Variants in ILDR1 observed in about 807,000 individuals in gnomAD.
ILDR1 encodes immunoglobulin-like domain-containing receptor 1.
Under a neutral mutation model 62.4 loss-of-function variants are expected in ILDR1, and 56 were observed. The ratio of observed to expected loss-of-function variants is 0.90; its 90% CI spans 0.72 to 1.12. The LOEUF is 1.12. Among genes scored for constraint, ILDR1 ranks in the 50% most tolerant of loss-of-function variants. The pLI is 0.00. For synonymous variants in ILDR1, 284 were observed against 277.8 expected (o/e 1.02, Z -0.22); for missense variants, 736 against 710.6 (o/e 1.04, Z -0.41).
At chr3:122,030,235 A>G in the ILDR1 span, among the ~76,000 whole-genome samples, 3 of 152,224 alleles carry the variant, frequency 2.0e-5, no homozygotes, top group Non-Finnish European at 4.4e-5. Context: ...CTGCATTCCT[A>G]GGACTAGAGC....
intron 1 of ILDR1, 37 bp downstream of exon 1, chr3:122,021,983 T>C (rs2107683290): frequency 1.9e-6 from 3 of 1,587,918 alleles, no homozygotes; most frequent in Non-Finnish European, 2.6e-6. Context: ...TCCTGTCTCC[T>C]TGGGTCCAGG....
At chr3:122,000,268 A>T (rs1424248518) in intron 5 of ILDR1, among the ~76,000 whole-genome samples, 1 of 150,650 alleles carries the variant, frequency 6.6e-6, no homozygotes, top group Non-Finnish European at 1.5e-5. Context: ...AAAAAAAAAA[A>T]GAAAAAACAG....
At chr3:122,030,955 A>G in the ILDR1 span, among the ~76,000 whole-genome samples, 1 of 152,322 alleles carries the variant, frequency 6.6e-6, no homozygotes, top group East Asian at 1.9e-4. Flanking sequence ...TCCCCAGGGC[A>G]GCCCCTAAAT....
intron 5 of ILDR1, among the ~76,000 whole-genome samples, chr3:121,996,773 A>G (rs1297229548): frequency 6.6e-6 from 1 of 152,218 alleles, no homozygotes; most frequent in Admixed American, 6.5e-5. Context: ...TCCCTGTTCC[A>G]ATAATGTAGG....
the ILDR1 span, among the ~76,000 whole-genome samples, chr3:122,027,682 T>C: frequency 6.6e-6 from 1 of 152,172 alleles, no homozygotes; most frequent in Non-Finnish European, 1.5e-5. Context: ...AGGTAGTAAA[T>C]AGACAAGACA....
In ILDR1 at chr3:121,987,869, T is replaced by C; in HGVS notation, c.*498A>G. 2 of 265,294 alleles carry C rather than the reference T, an allele frequency of 7.5e-6. No homozygotes were observed. The highest frequency in any genetic ancestry group is 1.5e-5 in the Non-Finnish European group (2 of 135,992). 16.4% of individuals were successfully genotyped at this position (265,294 alleles called of 1,614,324 possible). ...GCATGAACCAAGGCTAAAACTACAGTTGGTAATTCCTCGAACTCTAACTTT... is the reference window on the plus strand; with the variant it reads ...GCATGAACCAAGGCTAAAACTACAGCTGGTAATTCCTCGAACTCTAACTTT... On this transcript the variant is annotated 3_prime_UTR_variant, in exon 8 of 8. Coordinates refer to ENST00000344209, the MANE Select transcript of ILDR1 (RefSeq NM_001199799.2).
At chr3:121,997,092 G>A (rs969496906) in intron 5 of ILDR1, among the ~76,000 whole-genome samples, 1 of 152,074 alleles carries the variant, frequency 6.6e-6, no homozygotes, top group Non-Finnish European at 1.5e-5. Context: ...GTAGAGATAG[G>A]GTTTCACCAT....
upstream of ILDR1, among the ~76,000 whole-genome samples, chr3:122,022,956 A>T (rs1175639999): frequency 3.7e-5 from 5 of 133,732 alleles, no homozygotes; most frequent in Non-Finnish European, 6.6e-5. Context: ...TAAATAAATA[A>T]ATATTTGTTT....
At chr3:122,033,803 T>G in the ILDR1 span, among the ~76,000 whole-genome samples, 1 of 152,182 alleles carries the variant, frequency 6.6e-6, no homozygotes, top group East Asian at 1.9e-4. Flanking sequence ...ACCATACATG[T>G]GTAAATCTGA....
the ILDR1 span, among the ~76,000 whole-genome samples, chr3:122,060,661 C>G: frequency 3.9e-5 from 6 of 152,048 alleles, no homozygotes; most frequent in South Asian, 1.0e-3. Context: ...AAAGGCTAAC[C>G]AAAAATAAAA....
chr3:121,992,457 A>T (rs568308551), intron 7 of ILDR1, among the ~76,000 whole-genome samples: 1 of 152,278 alleles, frequency 6.6e-6, no homozygotes, highest in East Asian at 1.9e-4. Context: ...TTTTAAAGTC[A>T]CTTCTTTAAA....
At chr3:122,010,605 G>GT (rs1001960669) in intron 1 of ILDR1, among the ~76,000 whole-genome samples, 43 of 152,172 alleles carry the variant, frequency 2.8e-4, no homozygotes, top group African/African-American at 8.9e-4. Context: ...CCCTTTGTGT[G>GT]TTTTTTGTTT....
At position 121,993,150 on chromosome 3, in the gene ILDR1, C is replaced by A; in HGVS notation, c.1599G>T (p.Ser533=). 6.3e-7 allele frequency: 1 copy of A among 1,581,598 alleles called. No individual in the cohort carries two copies. Among genetic ancestry groups the A allele is most frequent in the East Asian group, 2.3e-5 (1 of 43,164 alleles). Reference sequence around the variant, plus strand: ...CCTCAGCAGGATGCCCCAGGCTCACCGAGCGCCTCTCCACACTCCCTTTTT... The same window carrying A: ...CCTCAGCAGGATGCCCCAGGCTCACAGAGCGCCTCTCCACACTCCCTTTTT... ...SRKKGSVERR[S]EKDSSHSGRS... Residue 533 remains serine, a splice_region_variant and synonymous_variant, in exon 7 of 8, where the codon TCG becomes TCT. Coordinates refer to ENST00000344209, the MANE Select transcript of ILDR1 (RefSeq NM_001199799.2).
At chr3:122,003,367 C>T (rs2071557258) in intron 3 of ILDR1, among the ~76,000 whole-genome samples, 1 of 152,184 alleles carries the variant, frequency 6.6e-6, no homozygotes, top group Admixed American at 6.5e-5. Flanking sequence ...TTCCTACCCG[C>T]TATTTTCCAA....
chr3:122,016,423 A>G (rs1463157699), intron 1 of ILDR1, among the ~76,000 whole-genome samples: 1 of 152,242 alleles, frequency 6.6e-6, no homozygotes, highest in East Asian at 1.9e-4. Context: ...CACATTAAAC[A>G]TTTGCTAAAC....
At chr3:122,041,026 C>A in the ILDR1 span, among the ~76,000 whole-genome samples, 1 of 152,252 alleles carries the variant, frequency 6.6e-6, no homozygotes, top group Middle Eastern at 3.4e-3. Context: ...TTTTAAAAAA[C>A]TGTTATCCGA....
chr3:122,046,651 C>A, the ILDR1 span, among the ~76,000 whole-genome samples: 1 of 150,848 alleles, frequency 6.6e-6, no homozygotes, highest in African/African-American at 2.5e-5. Context: ...CTTTCCTTCT[C>A]GCTTCATTTC....
chr3:122,032,242 GT>G, the ILDR1 span, among the ~76,000 whole-genome samples: 1 of 152,128 alleles, frequency 6.6e-6, no homozygotes, highest in Non-Finnish European at 1.5e-5. Flanking sequence ...CATTCTGGGG[GT>G]TTATCTCTTT....
chr3:121,998,671 G>A (rs1208664506), intron 5 of ILDR1, among the ~76,000 whole-genome samples: 1 of 152,118 alleles, frequency 6.6e-6, no homozygotes, highest in African/African-American at 2.4e-5. Context: ...AGTCTAAGCA[G>A]GCATCTTGGG....
Sources: gnomAD v4.1 joint callset for allele counts (sites outside exome capture counted in the v4.1 genomes callset) on GRCh38, gnomAD v4.1.1 for gene constraint, MANE v1.5 for transcripts, NCBI Gene and HGNC (gene_info 2026-07-23, HGNC 2026-07-21) for gene names.